ABLIM2: variants seen among roughly 807,000 people sequenced by gnomAD.
ABLIM2 encodes actin-binding LIM protein 2.
Under a neutral mutation model 97.7 loss-of-function variants are expected in ABLIM2, and 53 were observed. The ratio of observed to expected loss-of-function variants is 0.54; its 90% CI spans 0.44 to 0.68. ABLIM2 has a LOEUF of 0.68. Ranked by LOEUF, ABLIM2 falls within the 30% of genes least tolerant of loss-of-function variation. ABLIM2 has a pLI of 0.00. For missense variants in ABLIM2, 835 were observed against 867.2 expected, an observed-to-expected ratio of 0.96 and a Z score of 0.47; for synonymous variants, 361 against 345.8, an observed-to-expected ratio of 1.04 and a Z score of -0.49.
Position 7,966,910 on chromosome 4 carries a change from T to C in ABLIM2, c.*80A>G. The C allele has an allele frequency of 4.8e-6, 2 of 415,222 alleles. No individual in the cohort carries two copies. The highest frequency in any genetic ancestry group is 1.5e-4 in the East Asian group (2 of 13,514). The allele number at this position is 415,222 out of a possible 1,614,324, so 25.7% of individuals were successfully genotyped here. A position where few individuals can be genotyped will look rare whatever the true frequency, so the allele number is the denominator to read the frequency against. On this transcript the variant is annotated 3_prime_UTR_variant, in exon 21 of 21. Transcript: ENST00000447017. ...CACAGAGAAGCCAGAGCAAGGTGTG[T>C]GGGAGGGGTGTGTGCGGTTCTCGCC...
chr4:8,086,195 G>A (rs1192831141), intron 4 of ABLIM2, among the ~76,000 whole-genome samples: 2 of 150,896 alleles, frequency 1.3e-5, no homozygotes, highest in African/African-American at 4.9e-5. Context: ...GGGAACATTT[G>A]TTCTTTGAAA....
In ABLIM2 at chr4:8,113,018, C is replaced by A. The variant is rs991611909; in HGVS notation, c.11-6381G>T. Among the ~76,000 whole-genome samples the A allele has an allele frequency of 6.6e-6, 1 of 152,218 alleles. No homozygotes were observed. Among genetic ancestry groups the A allele is most frequent in the African/African-American group, 2.4e-5 (1 of 41,458 alleles). On this transcript the variant is annotated intron_variant, in intron 1 of 20. Transcript: ENST00000447017. The surrounding 1 kb of genome is among the most constrained non-coding windows in gnomAD (Gnocchi z 4.5). The stretch of plus-strand genomic sequence containing the variant: ...GGCCAAAAGGGCATAGGCAGGGGGG[C>A]AAACTCCTCTTTCTGTCCAGCGAAC...
rs1810560460 is a variant in ABLIM2, at chr4:8,069,791, C to T, written c.675+7837G>A. Among the ~76,000 whole-genome samples, 1 of 150,874 alleles carries T rather than the reference C, an allele frequency of 6.6e-6. No individual in the cohort carries two copies. Among genetic ancestry groups the T allele is most frequent in the South Asian group, 2.1e-4 (1 of 4,740 alleles). On this transcript the variant is annotated intron_variant, in intron 6 of 20. Coordinates refer to ENST00000447017, the MANE Select transcript of ABLIM2 (RefSeq NM_001130083.2). This position sits in a 1 kb window ranked among gnomAD's most constrained non-coding sequence, Gnocchi z 4.2. ...TCCATGCATGTTGTCTGTGTCTCTC[C>T]GTGTGCTTGTGTGTCTCTATGTGTT...
Position 8,005,158 on chromosome 4 carries a change from G to A in ABLIM2, c.1618+2901C>T, listed in dbSNP as rs769351368. The A allele has an allele frequency of 8.0e-4, 295 of 369,790 alleles. 1 individual carries two copies. Among genetic ancestry groups the A allele is most frequent in the Middle Eastern group, 6.0e-3 (6 of 1,002 alleles). 22.9% of individuals were successfully genotyped at this position (369,790 alleles called of 1,614,324 possible). A position where few individuals can be genotyped will look rare whatever the true frequency, so the allele number is the denominator to read the frequency against. On this transcript the variant is annotated intron_variant, in intron 16 of 20. Coordinates refer to ENST00000447017, the MANE Select transcript of ABLIM2 (RefSeq NM_001130083.2). The surrounding 1 kb of genome is among the most constrained non-coding windows in gnomAD (Gnocchi z 4.9). ...ATCGGGCCCTTGCGAAGCCAAAGAG[G>A]TGCCCGGCGGGCAGGCGGCGGCGGG...
Position 8,003,060 on chromosome 4 carries a change from G to A in ABLIM2, c.1618+4999C>T, listed in dbSNP as rs1044915377. ...CAGACAGGGAACTTTGTCTGTTTTG[G>A]CCTCTGCTCTGTCCCCAGCACCCAG... is the stretch of plus-strand genomic sequence containing the variant. On this transcript the variant is annotated intron_variant, in intron 16 of 20. Transcript: ENST00000447017. This position sits in a 1 kb window ranked among gnomAD's most constrained non-coding sequence, Gnocchi z 4.2. Among the ~76,000 whole-genome samples, 1 of 152,154 alleles carries A rather than the reference G, an allele frequency of 6.6e-6. No homozygotes were observed. Among genetic ancestry groups the A allele is most frequent in the African/African-American group, 2.4e-5 (1 of 41,432 alleles).
chr4:8,057,301 G>T (rs1799916905), intron 7 of ABLIM2, among the ~76,000 whole-genome samples: 1 of 152,042 alleles, frequency 6.6e-6, no homozygotes. Context: ...GGCCAGGCTG[G>T]TCTTGAACTT....
intron 2 of ABLIM2, among the ~76,000 whole-genome samples, chr4:8,105,595 T>C (rs1302709563): frequency 6.6e-6 from 1 of 152,098 alleles, no homozygotes; most frequent in Non-Finnish European, 1.5e-5. Context: ...CGCACTAGGG[T>C]TCATCGAGGG....
chr4:8,054,360 C>T lies in ABLIM2; in HGVS notation c.764-114G>A. ...CATGCACAGACGTGCACTCGGACTC[C>T]ACCCTCCAAGCGGCCCTGAGCATCC... On this transcript the variant is annotated intron_variant, in intron 7 of 20. Transcript: ENST00000447017. The surrounding 1 kb of genome is among the most constrained non-coding windows in gnomAD (Gnocchi z 4.9). 8.7e-7 allele frequency: 1 copy of T among 1,144,946 alleles called. No homozygotes were observed. The highest frequency in any genetic ancestry group is 1.3e-6 in the Non-Finnish European group (1 of 781,244). 70.9% of individuals were successfully genotyped at this position (1,144,946 alleles called of 1,614,324 possible).
chr4:8,029,585 CTAA>C, intron 11 of ABLIM2, 68 bp downstream of exon 11: 3 of 909,832 alleles, frequency 3.3e-6, no homozygotes, highest in Non-Finnish European at 2.8e-6. Context: ...AAAAAAAAAA[CTAA>C]AAAAAAAAAA....
Position 7,984,827 on chromosome 4 carries a change from C to A in ABLIM2, c.1735+12G>T. ...CCCAGCCAGAGACCCACAGGGTCCC[C>A]GCTCTGTGTACCTCGCATGCCCCAG... On this transcript the variant is annotated intron_variant, in intron 18 of 20. Coordinates refer to ENST00000447017, the MANE Select transcript of ABLIM2 (RefSeq NM_001130083.2). The A allele has an allele frequency of 6.3e-7, 1 of 1,590,518 alleles. No homozygotes were observed. The highest frequency in any genetic ancestry group is 2.3e-5 in the East Asian group (1 of 43,970).
chr4:7,989,383 T>G, intron 17 of ABLIM2: 1 of 984,800 alleles, frequency 1.0e-6, no homozygotes, highest in South Asian at 4.7e-5. Flanking sequence ...CTGGCCCCAT[T>G]TGTTTTATTT....
chr4:8,152,149 C>T (rs947921774), intron 1 of ABLIM2, among the ~76,000 whole-genome samples: 1 of 152,172 alleles, frequency 6.6e-6, no homozygotes, highest in Non-Finnish European at 1.5e-5. Context: ...CCAAACGGGC[C>T]AGGCTTTATC....
intron 6 of ABLIM2, among the ~76,000 whole-genome samples, chr4:8,062,166 TC>T (rs1469551684): frequency 6.6e-6 from 1 of 151,492 alleles, no homozygotes; most frequent in Non-Finnish European, 1.5e-5. Flanking sequence ...ACCTGCCACC[TC>T]CACTCGGGAG....
In ABLIM2 at chr4:8,148,221, G is replaced by T. The variant is rs960858283; in HGVS notation, c.10+10459C>A. 6.6e-6 allele frequency among the ~76,000 whole-genome samples: 1 copy of T among 152,218 alleles called. No homozygotes were observed. Among genetic ancestry groups the T allele is most frequent in the Non-Finnish European group, 1.5e-5 (1 of 68,038 alleles). On this transcript the variant is annotated intron_variant, in intron 1 of 20. Coordinates refer to ENST00000447017, the MANE Select transcript of ABLIM2 (RefSeq NM_001130083.2). The surrounding 1 kb of genome is among the most constrained non-coding windows in gnomAD (Gnocchi z 6.7). ...GTGCAGCAGAAGCTCTCCTGTGGGG[G>T]CCCTGGGCCAGGCAGGTTCTGAAGG...
intron 18 of ABLIM2, 142 bp downstream of exon 18, chr4:7,984,697 C>G (rs563515349): frequency 1.2e-6 from 1 of 838,960 alleles, no homozygotes; most frequent in Non-Finnish European, 1.8e-6. Flanking sequence ...GAAACCAGCA[C>G]GCCCTCCCCC....
intron 2 of ABLIM2, among the ~76,000 whole-genome samples, chr4:8,104,859 A>T (rs1332959403): frequency 1.3e-5 from 2 of 152,190 alleles, no homozygotes; most frequent in East Asian, 3.9e-4. Flanking sequence ...ACAGGACTCT[A>T]CACACAGTCT....
In ABLIM2 at chr4:8,072,646, G is replaced by C. The variant is rs1310925615; in HGVS notation, c.675+4982C>G. Among the ~76,000 whole-genome samples the C allele has an allele frequency of 1.3e-5, 2 of 152,228 alleles. No individual in the cohort carries two copies. The highest frequency in any genetic ancestry group is 1.3e-4 in the Admixed American group (2 of 15,280). On this transcript the variant is annotated intron_variant, in intron 6 of 20. Transcript: ENST00000447017. The surrounding 1 kb of genome is among the most constrained non-coding windows in gnomAD (Gnocchi z 5.8). Reference sequence around the variant, plus strand: ...GTTGGGGGAAACCTGCGCACCCCGGGCTCCAGTCTGGCTCTGCCACCGACT... The same window carrying C: ...GTTGGGGGAAACCTGCGCACCCCGGCCTCCAGTCTGGCTCTGCCACCGACT...
Position 7,970,126 on chromosome 4 carries a change from G to C in ABLIM2, c.1825-3023C>G, listed in dbSNP as rs186628476. Among the ~76,000 whole-genome samples the C allele has an allele frequency of 7.0e-4, 106 of 152,344 alleles. No individual in the cohort carries two copies. Among genetic ancestry groups the C allele is most frequent in the African/African-American group, 2.3e-3 (97 of 41,584 alleles). ...CTTTATCCAAGACCTGGTGATACCA[G>C]ACCTTGTTCCAGACATGGAAAGTCA... is the stretch of plus-strand genomic sequence containing the variant. On this transcript the variant is annotated intron_variant, in intron 20 of 20. Coordinates refer to ENST00000447017, the MANE Select transcript of ABLIM2 (RefSeq NM_001130083.2). The surrounding 1 kb of genome is among the most constrained non-coding windows in gnomAD (Gnocchi z 5.3).
intron 1 of ABLIM2, among the ~76,000 whole-genome samples, chr4:8,157,868 C>T (rs182816232): frequency 3.3e-5 from 5 of 152,404 alleles, no homozygotes; most frequent in Admixed American, 3.3e-4. Context: ...CCTTCCCTGC[C>T]GGGAATGCAA....
Sources: allele counts gnomAD v4.1 joint callset (sites outside exome capture counted in the v4.1 genomes callset), GRCh38; gene constraint gnomAD v4.1.1; non-coding constraint Gnocchi (gnomAD v3.1); transcripts MANE v1.5; gene names NCBI Gene and HGNC (gene_info 2026-07-23, HGNC 2026-07-21).